The following CLASP2 variants were observed in gnomAD, a reference collection of about 807,000 sequenced individuals.
The protein encoded by CLASP2 is cytoplasmic linker associated protein 2, also known as CLIP-associating protein 2.
In CLASP2, 47 loss-of-function variants were observed where a neutral mutation model predicts 194.4. The observed-to-expected ratio is 0.24, with a 90% CI of 0.19 to 0.31. The LOEUF (loss-of-function observed/expected upper bound fraction) is 0.31, where lower values mean the gene tolerates loss of function less well. Ranked by LOEUF, CLASP2 falls within the 10% of genes least tolerant of loss-of-function variation. The pLI is 1.00. For missense variants in CLASP2, 1,445 were observed against 1,823.6 expected (o/e 0.79, Z 3.78); for synonymous variants, 619 against 633.5 (o/e 0.98, Z 0.34).
intron 6 of CLASP2, 41 bp from the exon 7 acceptor site, chr3:33,663,556 A>C (rs755122545): frequency 2.2e-6 from 3 of 1,363,062 alleles, no homozygotes; most frequent in Non-Finnish European, 3.1e-6. Context: ...GATTTTTTAA[A>C]ACATATAGAT....
In CLASP2 at chr3:33,513,196, T is replaced by C. The variant is rs186266475; in HGVS notation, c.4111-2432A>G. Among the ~76,000 whole-genome samples, 86 of 152,238 alleles carry C rather than the reference T, an allele frequency of 5.6e-4. 1 individual carries two copies. The highest frequency in any genetic ancestry group is 1.4e-4 in the African/African-American group (6 of 41,528). On this transcript the variant is annotated intron_variant, in intron 36 of 38. Transcript: ENST00000682230. The stretch of plus-strand genomic sequence containing the variant: ...TTTTTAAACTTTCAGTGAAATGCCA[T>C]AGATGTACCACTACCAAACACGGTT...
intron 10 of CLASP2, among the ~76,000 whole-genome samples, chr3:33,625,795 A>G (rs1187003089): frequency 6.6e-6 from 1 of 151,962 alleles, no homozygotes; most frequent in East Asian, 1.9e-4. Flanking sequence ...TCTTAGCCTC[A>G]ACAAAAGTTT....
intron 19 of CLASP2, among the ~76,000 whole-genome samples, chr3:33,595,180 CAAAT>C (rs1233198968): frequency 2.6e-5 from 4 of 151,932 alleles, no homozygotes; most frequent in African/African-American, 7.2e-5. Flanking sequence ...GGAAACTAGA[CAAAT>C]AAAAATAACA....
intron 1 of CLASP2, among the ~76,000 whole-genome samples, chr3:33,707,100 GA>G (rs1404277328): frequency 1.3e-5 from 2 of 152,058 alleles, no homozygotes; most frequent in African/African-American, 4.8e-5. Flanking sequence ...CTCTTCCCAT[GA>G]AAAAAAGATC....
intron 6 of CLASP2, among the ~76,000 whole-genome samples, chr3:33,671,053 G>A (rs1314840853): frequency 2.6e-5 from 4 of 151,946 alleles, no homozygotes; most frequent in Non-Finnish European, 1.5e-5. Context: ...TGGAGAAATG[G>A]AAATCCCGAA....
At chr3:33,679,589 A>T (rs971063321) in intron 6 of CLASP2, among the ~76,000 whole-genome samples, 1 of 152,214 alleles carries the variant, frequency 6.6e-6, no homozygotes, top group African/African-American at 2.4e-5. Context: ...CTGAACAAAC[A>T]TCTCACCAGA....
At chr3:33,540,836 G>A (rs994390898) in intron 32 of CLASP2, among the ~76,000 whole-genome samples, 2 of 149,180 alleles carry the variant, frequency 1.3e-5, no homozygotes, top group African/African-American at 4.9e-5. Context: ...GCGGTAGCAC[G>A]ACATCAGCTC....
At chr3:33,632,431 G>T in intron 8 of CLASP2, 60 bp from the exon 9 acceptor site, 3 of 1,157,392 alleles carry the variant, frequency 2.6e-6, no homozygotes, top group South Asian at 3.0e-5. Context: ...TAACATTAAT[G>T]ACAACATGAA....
At position 33,646,228 on chromosome 3, in the gene CLASP2, A is replaced by G. The variant is rs144568991; in HGVS notation, c.716-1325T>C. Reference sequence around the variant, plus strand: ...AACTATTTTTAATATATAACTATTTAACTATTAAATATATCTTAAAATATG... The same window carrying G: ...AACTATTTTTAATATATAACTATTTGACTATTAAATATATCTTAAAATATG... On this transcript the variant is annotated intron_variant, in intron 7 of 38. Coordinates refer to ENST00000682230, the MANE Select transcript of CLASP2 (RefSeq NM_001365631.1). 3.0e-3 allele frequency among the ~76,000 whole-genome samples: 461 copies of G among 151,734 alleles called. 9 individuals are homozygous for G. The highest frequency in any genetic ancestry group is 0.028 in the Admixed American group (433 of 15,260).
At chr3:33,551,210 T>G in intron 30 of CLASP2, 42 bp downstream of exon 30, 1 of 1,559,048 alleles carries the variant, frequency 6.4e-7, no homozygotes, top group East Asian at 2.3e-5. Context: ...ATAACTGACT[T>G]GCTTTCCCAA....
chr3:33,584,362 C>T (rs186812450), intron 22 of CLASP2, among the ~76,000 whole-genome samples: 1 of 150,222 alleles, frequency 6.7e-6, no homozygotes, highest in African/African-American at 2.4e-5. Context: ...GCAGCCTCCA[C>T]CCCAGGTTCA....
chr3:33,506,700 C>A (rs1421907808), intron 37 of CLASP2, among the ~76,000 whole-genome samples: 1 of 152,052 alleles, frequency 6.6e-6, no homozygotes, highest in Admixed American at 6.6e-5. Context: ...CATTGTTTTT[C>A]ATGTGGAAAC....
At chr3:33,552,970 T>C (rs1395101987) in intron 29 of CLASP2, among the ~76,000 whole-genome samples, 1 of 152,224 alleles carries the variant, frequency 6.6e-6, no homozygotes, top group Non-Finnish European at 1.5e-5. Context: ...TACACAGTCC[T>C]TGGATACAGC....
chr3:33,652,489 TC>T (rs1350349151), intron 7 of CLASP2, among the ~76,000 whole-genome samples: 1 of 152,208 alleles, frequency 6.6e-6, no homozygotes, highest in Non-Finnish European at 1.5e-5. Context: ...ATCTCACAGG[TC>T]CCTCTAGCTA....
At chr3:33,678,054 A>C (rs2089143649) in intron 6 of CLASP2, among the ~76,000 whole-genome samples, 1 of 151,986 alleles carries the variant, frequency 6.6e-6, no homozygotes, top group Non-Finnish European at 1.5e-5. Context: ...AGAATTCTCC[A>C]AAACTGAAAA....
chr3:33,602,015 C>CT (rs1163557505), intron 18 of CLASP2, among the ~76,000 whole-genome samples: 3,379 of 140,128 alleles, frequency 0.024, 85 homozygotes, highest in African/African-American at 0.063. Flanking sequence ...TCCGAAATAC[C>CT]TTTTTTTTTT....
intron 1 of CLASP2, among the ~76,000 whole-genome samples, chr3:33,707,326 G>A (rs1361291292): frequency 6.6e-6 from 1 of 152,124 alleles, no homozygotes; most frequent in Non-Finnish European, 1.5e-5. Flanking sequence ...ACAAACATTT[G>A]AAGGACACTA....
At chr3:33,548,575 G>A (rs750167722) in intron 30 of CLASP2, among the ~76,000 whole-genome samples, 19 of 152,254 alleles carry the variant, frequency 1.2e-4, no homozygotes, top group African/African-American at 3.6e-4. Context: ...AATTACAGGC[G>A]TTAGCCACTG....
At position 33,531,923 on chromosome 3, in the gene CLASP2, G is replaced by A. The variant is rs6762614; in HGVS notation, c.3787+3310C>T. Among the ~76,000 whole-genome samples the A allele has an allele frequency of 2.6e-3, 398 of 152,262 alleles. 1 individual carries two copies. Among genetic ancestry groups the A allele is most frequent in the African/African-American group, 9.2e-3 (381 of 41,550 alleles). Reference sequence around the variant, plus strand: ...ACTGAAACCCTTCTGCACTGGTGGTGGGGAAGTAAAATGGTATACCTGCTA... The same window carrying A: ...ACTGAAACCCTTCTGCACTGGTGGTAGGGAAGTAAAATGGTATACCTGCTA... On this transcript the variant is annotated intron_variant, in intron 34 of 38. Coordinates refer to ENST00000682230, the MANE Select transcript of CLASP2 (RefSeq NM_001365631.1).
Sources: gnomAD v4.1 joint callset for allele counts (sites outside exome capture counted in the v4.1 genomes callset) on GRCh38, gnomAD v4.1.1 for gene constraint, MANE v1.5 for transcripts, NCBI Gene and HGNC (gene_info 2026-07-23, HGNC 2026-07-21) for gene names.